ZNF407: variants seen among roughly 807,000 people sequenced by gnomAD.
The protein encoded by ZNF407 is zinc finger protein 407.
A neutral mutation model predicts 131.2 loss-of-function variants in ZNF407; 17 were observed. The observed-to-expected ratio is 0.13, with a 90% CI of 0.09 to 0.19. The LOEUF (loss-of-function observed/expected upper bound fraction) is 0.19, where lower values mean the gene tolerates loss of function less well. ZNF407 is among the 10% of genes least tolerant of loss of function. The pLI, the probability that ZNF407 is intolerant of heterozygous loss-of-function variation, is 1.00. For missense variants in ZNF407, 2,681 were observed against 2,830.6 expected (o/e 0.95, Z 1.20); for synonymous variants, 1,156 against 1,062.0 (o/e 1.09, Z -1.72).
rs35438929 is a variant in ZNF407 at position 74,744,785 on chromosome 18, G to C, written c.4803-36643G>C. On this transcript the variant is annotated intron_variant, in intron 3 of 8. Transcript: ENST00000299687. ...ACAAACCACACTAGGCAATGTATTA[G>C]TGTGTAATACATTACTAATGTACTA... Among the ~76,000 whole-genome samples the C allele has an allele frequency of 1.8e-3, 7 of 3,946 alleles. No individual in the cohort carries two copies. The Admixed American group carries it at 0.028, about 16-fold the overall frequency. The allele number at this position is 3,946 out of a possible 152,430, so 2.6% of individuals were successfully genotyped here. A position where few individuals can be genotyped will look rare whatever the true frequency, so the allele number is the denominator to read the frequency against.
intron 4 of ZNF407, among the ~76,000 whole-genome samples, chr18:74,863,252 TTCC>T (rs1970963400): frequency 6.6e-6 from 1 of 151,458 alleles, no homozygotes; most frequent in South Asian, 2.1e-4. Flanking sequence ...TATTTCATAC[TTCC>T]ACCTCTTCTG....
Position 74,814,930 on chromosome 18 carries a change from C to T in ZNF407, c.4877+33428C>T, listed in dbSNP as rs567490324. 1.1e-4 allele frequency among the ~76,000 whole-genome samples: 17 copies of T among 151,372 alleles called. No homozygotes were observed. The East Asian group carries it at 3.3e-3, about 29-fold the overall frequency. On this transcript the variant is annotated intron_variant, in intron 4 of 8. Coordinates refer to ENST00000299687, the MANE Select transcript of ZNF407 (RefSeq NM_017757.3). ...AGTACATTTTTAAAATTCAAAATAT[C>T]ATATTATATAATCTTTATTAATCAG...
chr18:74,750,653 T>C (rs1433135883), intron 3 of ZNF407, among the ~76,000 whole-genome samples: 1 of 152,210 alleles, frequency 6.6e-6, no homozygotes, highest in African/African-American at 2.4e-5. Context: ...TTTTTAGATA[T>C]TATGACTAAC....
intron 3 of ZNF407, among the ~76,000 whole-genome samples, chr18:74,674,435 T>C (rs115807300): frequency 2.9e-4 from 44 of 151,742 alleles, no homozygotes; most frequent in African/African-American, 1.0e-3. Flanking sequence ...TTACCAAATA[T>C]CTTCATCTTA....
chr18:74,878,836 A>C (rs1971196612), intron 5 of ZNF407, among the ~76,000 whole-genome samples: 1 of 150,752 alleles, frequency 6.6e-6, no homozygotes, highest in Non-Finnish European at 1.5e-5. Context: ...TTTTTTTCTC[A>C]AAAAAAACAC....
At chr18:74,755,751 TTC>T (rs1568199834) in intron 3 of ZNF407, among the ~76,000 whole-genome samples, 2 of 120,818 alleles carry the variant, frequency 1.7e-5, no homozygotes, top group African/African-American at 8.0e-5. Flanking sequence ...CTTTCTTTCT[TTC>T]TTTCTTTCTT....
chr18:74,728,339 G>A (rs1368862568), intron 3 of ZNF407, among the ~76,000 whole-genome samples: 2 of 152,134 alleles, frequency 1.3e-5, no homozygotes. Context: ...GAGGGTGTTA[G>A]GTTTGGGCTA....
chr18:74,624,204 T>C (rs956362189), intron 1 of ZNF407, among the ~76,000 whole-genome samples: 3 of 152,324 alleles, frequency 2.0e-5, no homozygotes, highest in African/African-American at 7.2e-5. Context: ...TTCTGGTTCA[T>C]GATAAGCTTT....
chr18:74,873,766 T>G (rs1971119293), intron 4 of ZNF407, among the ~76,000 whole-genome samples: 1 of 151,984 alleles, frequency 6.6e-6, no homozygotes, highest in African/African-American at 2.4e-5. Flanking sequence ...TAACTCGTAA[T>G]TGACTTCCAT....
rs577286873 is a variant in ZNF407, at chr18:74,972,671, T to C, written c.5428+51979T>C. 3.3e-4 allele frequency among the ~76,000 whole-genome samples: 50 copies of C among 152,384 alleles called. 2 individuals carry two copies. Among genetic ancestry groups the C allele is most frequent in the African/African-American group, 1.2e-3 (50 of 41,594 alleles). On this transcript the variant is annotated intron_variant, in intron 8 of 8. Transcript: ENST00000299687. ...AAATTAATGTATTATTTCAGTGAAC[T>C]GACCCTTTATTTTTATGTAATGTCA...
chr18:75,000,859 G>A (rs1169731010), intron 8 of ZNF407, among the ~76,000 whole-genome samples: 1 of 152,096 alleles, frequency 6.6e-6, no homozygotes, highest in East Asian at 1.9e-4. Context: ...TATGTGCATC[G>A]AATGCTTGGA....
At chr18:75,022,736 T>A (rs1973125216) in intron 8 of ZNF407, among the ~76,000 whole-genome samples, 1 of 152,180 alleles carries the variant, frequency 6.6e-6, no homozygotes. Flanking sequence ...TTGGCAGGAA[T>A]GTAAATTAGT....
At chr18:74,608,100 G>T (rs1285701366) in intron 1 of ZNF407, among the ~76,000 whole-genome samples, 1 of 152,128 alleles carries the variant, frequency 6.6e-6, no homozygotes, top group Non-Finnish European at 1.5e-5. Context: ...TTAGAAAAAA[G>T]AATTGCAAAA....
chr18:74,953,054 G>C (rs771538263), intron 8 of ZNF407, among the ~76,000 whole-genome samples: 2 of 152,194 alleles, frequency 1.3e-5, no homozygotes, highest in African/African-American at 2.4e-5. Context: ...GAAAGCCATA[G>C]AATGACGGTG....
rs1971923105 is a variant in ZNF407 at position 74,927,043 on chromosome 18, T to C, written c.5428+6351T>C. On this transcript the variant is annotated intron_variant, in intron 8 of 8. Transcript: ENST00000299687. Reference sequence around the variant, plus strand: ...TATGTTTTCATTAGCTAGTAAGTAGTAATGAAGAACTCTGTTTTTCATGCT... The same window carrying C: ...TATGTTTTCATTAGCTAGTAAGTAGCAATGAAGAACTCTGTTTTTCATGCT... Among the ~76,000 whole-genome samples the C allele has an allele frequency of 2.0e-5, 3 of 152,320 alleles. No homozygotes were observed. In the South Asian group the frequency reaches 6.2e-4, roughly 32 times the overall value.
intron 3 of ZNF407, among the ~76,000 whole-genome samples, chr18:74,758,659 C>T (rs1459458356): frequency 2.0e-5 from 3 of 152,102 alleles, no homozygotes; most frequent in Non-Finnish European, 4.4e-5. Context: ...GGCATGATCT[C>T]GGCTCACTGG....
intron 4 of ZNF407, among the ~76,000 whole-genome samples, chr18:74,850,055 T>A (rs978420736): frequency 1.3e-5 from 2 of 152,192 alleles, no homozygotes; most frequent in African/African-American, 4.8e-5. Context: ...AGCTGTGGAA[T>A]AGGTGAATGG....
chr18:74,980,913 A>G (rs4076326), intron 8 of ZNF407, among the ~76,000 whole-genome samples: 24,450 of 152,034 alleles, frequency 0.16, 2,193 homozygotes, highest in Admixed American at 0.28. Flanking sequence ...CACACTGGGG[A>G]TTGGAGTATT....
chr18:75,010,533 G>T (rs919124503), intron 8 of ZNF407, among the ~76,000 whole-genome samples: 1 of 152,126 alleles, frequency 6.6e-6, no homozygotes, highest in Non-Finnish European at 1.5e-5. Flanking sequence ...GTTATTTTTT[G>T]TATCCCAGCT....
Sources: allele counts gnomAD v4.1 joint callset (sites outside exome capture counted in the v4.1 genomes callset), GRCh38; gene constraint gnomAD v4.1.1; transcripts MANE v1.5; gene names NCBI Gene and HGNC (gene_info 2026-07-23, HGNC 2026-07-21).